Variants in ANKRD13D observed in about 807,000 individuals in gnomAD.
The protein encoded by ANKRD13D is ankyrin repeat domain 13D.
ANKRD13D carries 24 observed loss-of-function variants against 68.8 expected under a neutral mutation model. That is an observed-to-expected ratio of 0.35 (90% CI 0.25 to 0.49). ANKRD13D has a LOEUF of 0.49. Among genes scored for constraint, ANKRD13D ranks in the 20% least tolerant of loss-of-function variants. The pLI is 0.99. For missense variants in ANKRD13D, 735 were observed against 832.1 expected (o/e 0.88, Z 1.44); for synonymous variants, 331 against 336.1 (o/e 0.98, Z 0.16).
In ANKRD13D at chr11:67,299,749, G is replaced by A; in HGVS notation, c.881-78G>A. On this transcript the variant is annotated intron_variant, in intron 8 of 14. Transcript: ENST00000511455. The surrounding 1 kb of genome is among the most constrained non-coding windows in gnomAD (Gnocchi z 6.2). ...CGTCTGACCCCTCTTCCCCCAGACA[G>A]TAGGCTCCAGGGGTGGAGGTGGGCA... is the stretch of plus-strand genomic sequence containing the variant. The A allele has an allele frequency of 1.3e-6, 2 of 1,537,274 alleles. No homozygotes were observed. Among genetic ancestry groups the A allele is most frequent in the Non-Finnish European group, 1.8e-6 (2 of 1,136,836 alleles).
chr11:67,295,101 A>G (rs1238134738), intron 6 of ANKRD13D, among the ~76,000 whole-genome samples: 1 of 152,144 alleles, frequency 6.6e-6, no homozygotes, highest in Non-Finnish European at 1.5e-5. Context: ...CTCTGACTAG[A>G]ACTTCCAGTA....
At position 67,290,440 on chromosome 11, in the gene ANKRD13D, T is replaced by C; in HGVS notation, c.345T>C (p.Leu115=). 6.3e-7 allele frequency: 1 copy of C among 1,582,372 alleles called. No homozygotes were observed. Among genetic ancestry groups the C allele is most frequent in the Non-Finnish European group, 8.6e-7 (1 of 1,165,504 alleles). ...GCATTCCGGAACTGCTCAACAAACT[T>C]CGCCAGGTACAGCAGGGCACAGTTA... ...LAGIPELLNK[L]RQAPDFYVEM... Residue 115 remains leucine, a synonymous_variant, in exon 3 of 15, where the codon CTT becomes CTC. Coordinates refer to ENST00000511455, the MANE Select transcript of ANKRD13D (RefSeq NM_207354.3).
chr11:67,289,522 AACTGGAGGCCGC>A lies in ANKRD13D; in HGVS notation c.67_78del (p.Glu23_Leu26del). On this transcript the variant is annotated inframe_deletion, in exon 1 of 15. Transcript: ENST00000511455. The stretch of plus-strand genomic sequence containing the variant: ...CTCGTCTGGGCGAACCGGCATCGCG[AACTGGAGGCCGC>A]ACTGCACAGCCACCAGGTGAGGCCC... 1 of 1,521,806 alleles carries A rather than the reference AACTGGAGGCCGC, an allele frequency of 6.6e-7. No individual in the cohort carries two copies. Among genetic ancestry groups the A allele is most frequent in the East Asian group, 2.6e-5 (1 of 39,136 alleles). 94.3% of individuals were successfully genotyped at this position (1,521,806 alleles called of 1,614,324 possible).
At chr11:67,295,332 G>A (rs1860718898) in intron 6 of ANKRD13D, among the ~76,000 whole-genome samples, 1 of 152,020 alleles carries the variant, frequency 6.6e-6, no homozygotes, top group African/African-American at 2.4e-5. Flanking sequence ...CAGGAGAATG[G>A]TGTGAACCCG....
rs1860975635 is a variant in ANKRD13D at position 67,301,286 on chromosome 11, T to C, written c.1236T>C (p.Ile412=). Residue 412 remains isoleucine (I), a synonymous_variant, in exon 12 of 15, where the codon ATT becomes ATC. Transcript: ENST00000511455. The surrounding 1 kb of genome is among the most constrained non-coding windows in gnomAD (Gnocchi z 4.5). ...GGCGTGGCTGTCTTCTCACAGAGAT[T>C]CCCCTTTTCCACGTGCTCAATGCCC... ...LPPGFPVKIE[I]PLFHVLNARI... 7 of 1,610,962 alleles carry C rather than the reference T, an allele frequency of 4.3e-6. No individual in the cohort carries two copies. Among genetic ancestry groups the C allele is most frequent in the Middle Eastern group, 3.3e-4 (2 of 6,070 alleles).
chr11:67,297,215 C>T (rs1226281074), intron 6 of ANKRD13D, among the ~76,000 whole-genome samples: 1 of 152,032 alleles, frequency 6.6e-6, no homozygotes, highest in Non-Finnish European at 1.5e-5. Context: ...CTAGGCATGT[C>T]TTTTCTTTTT....
intron 6 of ANKRD13D, among the ~76,000 whole-genome samples, chr11:67,297,061 A>C (rs996676648): frequency 1.5e-4 from 23 of 152,060 alleles, no homozygotes; most frequent in African/African-American, 5.3e-4. Context: ...ATTAACCTTT[A>C]CTGTAATATT....
chr11:67,301,764 G>T lies in ANKRD13D; in HGVS notation c.1545G>T (p.Arg515=). ...TCTGGGAAGCCCTGACCAACACCCG[G>T]CCCGGTGCCCGCCCTCCTCCCCAGG... The part of the protein sequence containing the change: ...VTVWEALTNT[R]PGARPPPQAT... The change falls in exon 14 of 15, where the codon CGG becomes CGT. Residue 515 remains arginine, a synonymous_variant. Transcript: ENST00000511455. The surrounding 1 kb of genome is among the most constrained non-coding windows in gnomAD (Gnocchi z 4.5). The T allele has an allele frequency of 6.2e-7, 1 of 1,610,332 alleles. No individual in the cohort carries two copies. The highest frequency in any genetic ancestry group is 2.2e-5 in the East Asian group (1 of 44,806).
Position 67,302,210 on chromosome 11 carries a change from G to C in ANKRD13D, c.1696G>C (p.Glu566Gln). Residue 566 changes from glutamate to glutamine, a missense_variant, in exon 15 of 15, where the codon GAA becomes CAA. By Grantham distance (29) the Glu-to-Gln change is conservative. Coordinates refer to ENST00000511455, the MANE Select transcript of ANKRD13D (RefSeq NM_207354.3). ...TPPAPGPPSF[E>Q]EQLRLALELS... ...CCCAGCCCCCGGTCCACCCAGCTTT[G>C]AAGAGCAGCTGCGCCTGGCCCTGGA... 6.3e-7 allele frequency: 1 copy of C among 1,588,468 alleles called. No individual in the cohort carries two copies. The highest frequency in any genetic ancestry group is 8.6e-7 in the Non-Finnish European group (1 of 1,167,740).
In ANKRD13D at chr11:67,301,319, C is replaced by T. The variant is rs775511462; in HGVS notation, c.1269C>T (p.Thr423=). The T allele has an allele frequency of 1.2e-6, 2 of 1,613,754 alleles. No individual in the cohort carries two copies. Among genetic ancestry groups the T allele is most frequent in the South Asian group, 1.1e-5 (1 of 91,028 alleles). Residue 423 remains threonine, a synonymous_variant, in exon 12 of 15, where the codon ACC becomes ACT. Transcript: ENST00000511455. This position sits in a 1 kb window ranked among gnomAD's most constrained non-coding sequence, Gnocchi z 4.5. ...PLFHVLNARI[T]FSNLCGCDEP... ...TCCACGTGCTCAATGCCCGCATCAC[C>T]TTCAGCAACCTGTGTGGCTGTGATG... is the stretch of plus-strand genomic sequence containing the variant.
chr11:67,298,056 CTTTTTTTT>C (rs200939455), intron 6 of ANKRD13D: 3 of 130,000 alleles, frequency 2.3e-5, no homozygotes, highest in Admixed American at 7.8e-5. Flanking sequence ...TTGAGGTTTT[CTTTTTTTT>C]TTTTTTTTTT....
intron 6 of ANKRD13D, 173 bp from the exon 7 acceptor site, chr11:67,298,885 G>C: frequency 1.5e-6 from 1 of 653,542 alleles, no homozygotes; most frequent in Non-Finnish European, 2.8e-6. Context: ...CCATGCTCAA[G>C]TGTCCCCCCC....
intron 6 of ANKRD13D, among the ~76,000 whole-genome samples, chr11:67,294,517 A>G (rs1860689887): frequency 6.6e-6 from 1 of 151,070 alleles, no homozygotes; most frequent in Non-Finnish European, 1.5e-5. Context: ...TAAGTGTTTT[A>G]TTCTGTTTTT....
chr11:67,300,101 G>A lies in ANKRD13D; in HGVS notation c.1051G>A (p.Glu351Lys), dbSNP rs979496636. The A allele has an allele frequency of 3.7e-6, 6 of 1,614,030 alleles. No individual in the cohort carries two copies. The highest frequency in any genetic ancestry group is 4.5e-5 in the East Asian group (2 of 44,886). ...LESRNIGRPI[E>K]MSSKVQRFKA... ...GTCACGGAACATTGGCCGCCCCATCGAGATGTCCAGCAAAGTACAGAGGTG... is the reference window on the plus strand; with the variant it reads ...GTCACGGAACATTGGCCGCCCCATCAAGATGTCCAGCAAAGTACAGAGGTG... The change falls in exon 10 of 15, where the codon GAG (glutamate) becomes AAG (lysine). Residue 351 changes from glutamate (E) to lysine (K), a missense_variant. Coordinates refer to ENST00000511455, the MANE Select transcript of ANKRD13D (RefSeq NM_207354.3). This position sits in a 1 kb window ranked among gnomAD's most constrained non-coding sequence, Gnocchi z 4.3.
intron 6 of ANKRD13D, among the ~76,000 whole-genome samples, chr11:67,293,991 A>G (rs890435989): frequency 2.6e-5 from 4 of 152,186 alleles, no homozygotes; most frequent in Non-Finnish European, 4.4e-5. Context: ...TGAAAAGACT[A>G]TGTTTTTCCC....
Position 67,301,218 on chromosome 11 carries a change from G to C in ANKRD13D, c.1232-64G>C. 6.3e-7 allele frequency: 1 copy of C among 1,596,576 alleles called. No homozygotes were observed. The highest frequency in any genetic ancestry group is 8.5e-7 in the Non-Finnish European group (1 of 1,169,774). ...CCTCCCTCAGCGCAGTCCCTGGAGA[G>C]CTGCAGGGGCCGGAGGCACAGGTGG... is the stretch of plus-strand genomic sequence containing the variant. On this transcript the variant is annotated intron_variant, in intron 11 of 14. Coordinates refer to ENST00000511455, the MANE Select transcript of ANKRD13D (RefSeq NM_207354.3). The surrounding 1 kb of genome is among the most constrained non-coding windows in gnomAD (Gnocchi z 4.5).
At chr11:67,290,581 C>T (rs746574933) in intron 3 of ANKRD13D, 135 bp downstream of exon 3, 1 of 1,353,426 alleles carries the variant, frequency 7.4e-7, no homozygotes, top group Admixed American at 2.6e-5. Context: ...GTCTGTCTAT[C>T]TTGACCCCAG....
Position 67,301,210 on chromosome 11 carries a change from C to T in ANKRD13D, c.1231+63C>T, listed in dbSNP as rs1386997192. 4.4e-6 allele frequency: 7 copies of T among 1,598,446 alleles called. No homozygotes were observed. The Admixed American group carries it at 1.2e-4, about 27-fold the overall frequency. On this transcript the variant is annotated intron_variant, in intron 11 of 14. Transcript: ENST00000511455. The surrounding 1 kb of genome is among the most constrained non-coding windows in gnomAD (Gnocchi z 4.5). Reference sequence around the variant, plus strand: ...CATGGCACCCTCCCTCAGCGCAGTCCCTGGAGAGCTGCAGGGGCCGGAGGC... The same window carrying T: ...CATGGCACCCTCCCTCAGCGCAGTCTCTGGAGAGCTGCAGGGGCCGGAGGC...
chr11:67,293,116 A>T (rs1309675881), intron 6 of ANKRD13D, among the ~76,000 whole-genome samples: 2 of 152,162 alleles, frequency 1.3e-5, no homozygotes, highest in Non-Finnish European at 2.9e-5. Flanking sequence ...TTCATGTGCA[A>T]GTTTTTGTGT....
Sources: gnomAD v4.1 joint callset for allele counts (sites outside exome capture counted in the v4.1 genomes callset) on GRCh38, gnomAD v4.1.1 for gene constraint, Gnocchi (gnomAD v3.1) non-coding constraint, MANE v1.5 for transcripts, NCBI Gene and HGNC (gene_info 2026-07-23, HGNC 2026-07-21) for gene names.